CNBD1: variants seen among roughly 807,000 people sequenced by gnomAD.
CNBD1 encodes cyclic nucleotide-binding domain-containing protein 1.
In CNBD1, 71 loss-of-function variants were observed where a neutral mutation model predicts 54.4. That is an observed-to-expected ratio of 1.30 (90% confidence interval 1.08 to 1.59). The LOEUF (loss-of-function observed/expected upper bound fraction) is 1.59, where lower values mean the gene tolerates loss of function less well. Among genes scored for constraint, CNBD1 ranks in the 40% most tolerant of loss-of-function variants. The pLI is 0.00. For synonymous variants in CNBD1, 182 were observed against 170.7 expected (o/e 1.07, Z -0.51); for missense variants, 659 against 518.0 (o/e 1.27, Z -2.64).
intron 8 of CNBD1, among the ~76,000 whole-genome samples, chr8:87,310,378 A>G (rs1809240678): frequency 6.6e-6 from 1 of 152,054 alleles, no homozygotes; most frequent in Non-Finnish European, 1.5e-5. Context: ...CCCATTTACA[A>G]TATCCACACA....
At chr8:87,255,992 TA>T (rs1808002843) in intron 6 of CNBD1, among the ~76,000 whole-genome samples, 2 of 13,156 alleles carry the variant, frequency 1.5e-4, no homozygotes, top group Non-Finnish European at 2.8e-4. Context: ...TATATATATA[TA>T]TATATATATA....
chr8:87,311,974 T>A (rs1357213483), intron 8 of CNBD1, among the ~76,000 whole-genome samples: 1 of 151,892 alleles, frequency 6.6e-6, no homozygotes, highest in Admixed American at 6.6e-5. Flanking sequence ...GAGCAAGGAT[T>A]GAAAAACTAA....
intron 4 of CNBD1, among the ~76,000 whole-genome samples, chr8:86,979,576 A>C (rs954646543): frequency 2.0e-4 from 31 of 152,152 alleles, no homozygotes; most frequent in Admixed American, 4.6e-4. Context: ...ATAAGACCCC[A>C]TTTCCAAAAA....
chr8:87,114,435 C>CA, intron 4 of CNBD1, among the ~76,000 whole-genome samples: 1 of 152,190 alleles, frequency 6.6e-6, no homozygotes, highest in Non-Finnish European at 1.5e-5. Context: ...ACTACAACCT[C>CA]CGCCTCCCAG....
chr8:86,903,861 C>G (rs914605854), intron 2 of CNBD1, among the ~76,000 whole-genome samples: 1 of 44,576 alleles, frequency 2.2e-5, no homozygotes, highest in African/African-American at 1.2e-4. Context: ...GAGTTACAAA[C>G]AGAATTTTTT....
At chr8:87,404,982 G>A (rs1483732868) in intron 2 of CNBD1, among the ~76,000 whole-genome samples, 1 of 152,008 alleles carries the variant, frequency 6.6e-6, no homozygotes, top group Admixed American at 6.6e-5. Context: ...ACTGGATTGA[G>A]TTATAACTGG....
At chr8:87,287,986 C>A (rs2130872472) in intron 8 of CNBD1, among the ~76,000 whole-genome samples, 1 of 151,974 alleles carries the variant, frequency 6.6e-6, no homozygotes. Context: ...TTATAAATGG[C>A]ATTTTTTTAA....
At chr8:87,148,516 G>A (rs1812535670) in intron 4 of CNBD1, among the ~76,000 whole-genome samples, 1 of 152,160 alleles carries the variant, frequency 6.6e-6, no homozygotes, top group African/African-American at 2.4e-5. Context: ...ACTATGAAGA[G>A]GCAGAATTAG....
At chr8:86,973,142 T>C (rs1808263739) in intron 4 of CNBD1, among the ~76,000 whole-genome samples, 1 of 152,202 alleles carries the variant, frequency 6.6e-6, no homozygotes, top group South Asian at 2.1e-4. Flanking sequence ...CTACCTACTC[T>C]AGAATTGTAT....
intron 6 of CNBD1, among the ~76,000 whole-genome samples, chr8:87,281,874 C>T (rs1344351266): frequency 6.6e-6 from 1 of 151,114 alleles, no homozygotes; most frequent in Non-Finnish European, 1.5e-5. Context: ...GGTATTATGA[C>T]ATTAATTACA....
intron 8 of CNBD1, among the ~76,000 whole-genome samples, chr8:87,327,207 AG>A (rs1347211416): frequency 6.9e-6 from 1 of 144,252 alleles, no homozygotes; most frequent in Non-Finnish European, 1.5e-5. Flanking sequence ...CTCTCTTCAA[AG>A]CTGTCAGACA....
chr8:87,372,723 T>G (rs10101121), intron 10 of CNBD1, among the ~76,000 whole-genome samples: 1,667 of 151,992 alleles, frequency 0.011, 41 homozygotes, highest in African/African-American at 0.038. Context: ...ATTCTCAAAC[T>G]TTTATGTGGC....
chr8:86,964,307 G>C (rs559241503), intron 4 of CNBD1, among the ~76,000 whole-genome samples: 1 of 152,026 alleles, frequency 6.6e-6, no homozygotes, highest in Non-Finnish European at 1.5e-5. Flanking sequence ...CCATTCTCCC[G>C]TTTCATCATT....
At chr8:87,285,540 C>T (rs764320614) in intron 7 of CNBD1, among the ~76,000 whole-genome samples, 34 of 152,062 alleles carry the variant, frequency 2.2e-4, no homozygotes, top group African/African-American at 8.0e-4. Context: ...GAGTTCGAGC[C>T]AGCCTGACCA....
intron 4 of CNBD1, among the ~76,000 whole-genome samples, chr8:87,048,946 G>T (rs933230920): frequency 6.6e-6 from 1 of 152,236 alleles, no homozygotes; most frequent in Non-Finnish European, 1.5e-5. Context: ...GAAAGGTTTG[G>T]TGAAGGAGTT....
chr8:87,409,299 C>A (rs1807701318), intron 2 of CNBD1, among the ~76,000 whole-genome samples: 1 of 152,112 alleles, frequency 6.6e-6, no homozygotes, highest in Non-Finnish European at 1.5e-5. Flanking sequence ...AACACTCCCT[C>A]AAGCCTCAGC....
At position 87,342,021 on chromosome 8, in the gene CNBD1, C is replaced by T. The variant is rs1257575072; in HGVS notation, c.1043-9664C>T. On this transcript the variant is annotated intron_variant, in intron 8 of 10. Coordinates refer to ENST00000518476, the MANE Select transcript of CNBD1 (RefSeq NM_173538.3). ...TGGCGCAGTGGCTCACGCCTGTAAT[C>T]CTAGCACTTTGGGAGGCCGAGGCGG... Among the ~76,000 whole-genome samples, 6 of 152,294 alleles carry T rather than the reference C, an allele frequency of 3.9e-5. No homozygotes were observed. In the South Asian group the frequency reaches 1.2e-3, roughly 32 times the overall value.
At chr8:87,053,423 G>A (rs570148944) in intron 4 of CNBD1, among the ~76,000 whole-genome samples, 1 of 152,344 alleles carries the variant, frequency 6.6e-6, no homozygotes, top group South Asian at 2.1e-4. Context: ...CTTGAGAGGA[G>A]TGCAGGCTGA....
At chr8:87,287,905 AC>A (rs1393573325) in intron 8 of CNBD1, among the ~76,000 whole-genome samples, 1 of 152,040 alleles carries the variant, frequency 6.6e-6, no homozygotes, top group Non-Finnish European at 1.5e-5. Context: ...TAGTCAAATA[AC>A]TATTTTTGCT....
Sources: gnomAD v4.1 joint callset for allele counts (sites outside exome capture counted in the v4.1 genomes callset) on GRCh38, gnomAD v4.1.1 for gene constraint, MANE v1.5 for transcripts, NCBI Gene and HGNC (gene_info 2026-07-23, HGNC 2026-07-21) for gene names.